Variants in AR observed in about 807,000 individuals in gnomAD.
AR encodes the protein androgen receptor.
AR carries 8 observed loss-of-function variants against 53.9 expected under a neutral mutation model. The observed-to-expected ratio is 0.15, with a 90% CI of 0.09 to 0.27. AR has a LOEUF of 0.27. AR is among the 10% of genes least tolerant of loss of function. The probability of loss-of-function intolerance (pLI) is 1.00; values close to 1 mark genes in which losing one functional copy is unlikely to be tolerated. For synonymous variants in AR, 359 were observed against 316.4 expected, an observed-to-expected ratio of 1.13 and a Z score of -1.43; for missense variants, 639 against 742.5, an observed-to-expected ratio of 0.86 and a Z score of 1.62.
chrX:67,659,448 G>A (rs1390604888), intron 2 of AR, among the ~76,000 whole-genome samples: 4 of 110,619 alleles, frequency 3.6e-5, no homozygotes, highest in Admixed American at 2.9e-4. Flanking sequence ...ATTCTCACCT[G>A]TGAGTGAGAA....
At chrX:67,629,968 T>C (rs1418048451) in intron 1 of AR, among the ~76,000 whole-genome samples, 6 of 111,816 alleles carry the variant, frequency 5.4e-5, no homozygotes, top group Non-Finnish European at 7.5e-5. Context: ...TTCTTAATAC[T>C]GAGTTCTAGT....
intron 1 of AR, among the ~76,000 whole-genome samples, chrX:67,597,423 C>T (rs948101089): frequency 2.8e-4 from 31 of 111,787 alleles, no homozygotes; most frequent in Non-Finnish European, 5.5e-4. Context: ...CTCCTTTTCA[C>T]TCTCTGGGAG....
chrX:67,629,109 G>C (rs1407667369), intron 1 of AR, among the ~76,000 whole-genome samples: 1 of 111,063 alleles, frequency 9.0e-6, no homozygotes, highest in Non-Finnish European at 1.9e-5. Flanking sequence ...TTTTTTGGTT[G>C]TGTCTCTGCC....
rs986987227 is a variant in AR at position 67,589,573 on chromosome X, G to T, written c.1616+42811G>T. On this transcript the variant is annotated intron_variant, in intron 1 of 7. Transcript: ENST00000374690. ...CTTCCATGAGGATCCCATGGAGAAA[G>T]TTTGTCATTGATATACATTTTGAGG... Among the ~76,000 whole-genome samples the T allele has an allele frequency of 4.5e-5, 5 of 111,955 alleles. No homozygotes were observed. The South Asian group carries it at 1.9e-3, about 42-fold the overall frequency.
Position 67,720,236 on chromosome X carries a change from C to G in AR, c.2319-1597C>G, listed in dbSNP as rs768105446. On this transcript the variant is annotated intron_variant, in intron 5 of 7. Coordinates refer to ENST00000374690, the MANE Select transcript of AR (RefSeq NM_000044.6). ...TTCCATTCCTGCCTCATTTTTCTAC[C>G]CTCCATTCTCCTCTCTCTTCCTTCC... 1.6e-4 allele frequency among the ~76,000 whole-genome samples: 18 copies of G among 110,227 alleles called. No homozygotes were observed. In the Admixed American group the frequency reaches 1.6e-3, roughly 10 times the overall value.
At chrX:67,626,956 G>T (rs1174716558) in intron 1 of AR, among the ~76,000 whole-genome samples, 1 of 104,998 alleles carries the variant, frequency 9.5e-6, no homozygotes, top group African/African-American at 3.5e-5. Context: ...CAAAGGACAT[G>T]AACTCATCCT....
chrX:67,646,074 CA>C (rs1926043512), intron 2 of AR, among the ~76,000 whole-genome samples: 1 of 112,005 alleles, frequency 8.9e-6, no homozygotes, highest in Non-Finnish European at 1.9e-5. Flanking sequence ...ACTGAGTATT[CA>C]GAGTCTTGAT....
chrX:67,695,862 C>T (rs1602262165), intron 3 of AR: 5 of 750,361 alleles, frequency 6.7e-6, no homozygotes, highest in African/African-American at 2.4e-5. Flanking sequence ...TCTCTTTCCC[C>T]TGACTCAGCA....
chrX:67,549,926 A>C (rs1313917604), intron 1 of AR, among the ~76,000 whole-genome samples: 1 of 112,147 alleles, frequency 8.9e-6, no homozygotes, highest in Non-Finnish European at 1.9e-5. Context: ...TTTTATGACT[A>C]TCTTACAAGC....
At chrX:67,638,796 C>T (rs1925589471) in intron 1 of AR, among the ~76,000 whole-genome samples, 1 of 111,812 alleles carries the variant, frequency 8.9e-6, no homozygotes, top group African/African-American at 3.2e-5. Flanking sequence ...CTCTGATGAT[C>T]GTTTCTTTTG....
At chrX:67,644,535 G>A (rs774229293) in intron 2 of AR, among the ~76,000 whole-genome samples, 1 of 111,763 alleles carries the variant, frequency 8.9e-6, no homozygotes, top group Non-Finnish European at 1.9e-5. Context: ...CATTCACCAC[G>A]AATGTACTGA....
rs778153904 is a variant in AR, at chrX:67,721,980, G to T, written c.2449+17G>T. On this transcript the variant is annotated intron_variant, in intron 6 of 7. Transcript: ENST00000374690. ...TCAGCATTAGTAAGTGCCTAGAAGTGCAGGGAATGCCCCCTGAGGGCACAG... is the reference window on the plus strand; with the variant it reads ...TCAGCATTAGTAAGTGCCTAGAAGTTCAGGGAATGCCCCCTGAGGGCACAG... 2 of 1,208,130 alleles carry T rather than the reference G, an allele frequency of 1.7e-6. No homozygotes were observed. The highest frequency in any genetic ancestry group is 2.2e-5 in the Admixed American group (1 of 45,731).
chrX:67,642,412 A>G (rs1449124874), intron 1 of AR, among the ~76,000 whole-genome samples: 1 of 111,710 alleles, frequency 9.0e-6, no homozygotes, highest in Non-Finnish European at 1.9e-5. Context: ...CTTCATATCC[A>G]CCTGAAAGAG....
chrX:67,575,557 T>A (rs1176711207), intron 1 of AR, among the ~76,000 whole-genome samples: 1 of 111,622 alleles, frequency 9.0e-6, no homozygotes, highest in East Asian at 2.8e-4. Context: ...AGAAATGAAA[T>A]GCTTGTGTCC....
chrX:67,661,383 G>A (rs751628381), intron 2 of AR, among the ~76,000 whole-genome samples: 5 of 111,122 alleles, frequency 4.5e-5, no homozygotes, highest in Admixed American at 2.9e-4. Flanking sequence ...TTTGAGATAC[G>A]TCCCATCAAT....
chrX:67,706,018 C>T (rs2076065284), intron 3 of AR, among the ~76,000 whole-genome samples: 1 of 111,642 alleles, frequency 9.0e-6, no homozygotes, highest in Admixed American at 9.6e-5. Flanking sequence ...GGTGGATAAG[C>T]TTTTTGATGT....
At chrX:67,698,129 T>C (rs1447300080) in intron 3 of AR, among the ~76,000 whole-genome samples, 1 of 112,123 alleles carries the variant, frequency 8.9e-6, no homozygotes, top group Non-Finnish European at 1.9e-5. Context: ...CTCCAGAATA[T>C]TTGCTCTTAA....
In AR at chrX:67,711,611, G is replaced by C; in HGVS notation, c.2095G>C (p.Ala699Pro). 1 of 1,211,000 alleles carries C rather than the reference G, an allele frequency of 8.3e-7. No individual in the cohort carries two copies. Among genetic ancestry groups the C allele is most frequent in the Non-Finnish European group, 1.1e-6 (1 of 894,970 alleles). Residue 699 changes from alanine to proline, a missense_variant, in exon 4 of 8, where the codon GCA becomes CCA. This residue lies in a region of AR where 95 missense variants were observed against 196.4 expected (regional missense o/e 0.48). Transcript: ENST00000374690. ...GHDNNQPDSF[A>P]ALLSSLNELG... ...CGACAACAACCAGCCCGACTCCTTT[G>C]CAGCCTTGCTCTCTAGCCTCAATGA... is the stretch of plus-strand genomic sequence containing the variant.
intron 1 of AR, among the ~76,000 whole-genome samples, chrX:67,581,587 A>G (rs961367106): frequency 9.0e-6 from 1 of 111,336 alleles, no homozygotes; most frequent in African/African-American, 3.3e-5. Flanking sequence ...GTATATTAGT[A>G]ATGTACACTA....
Sources: allele counts gnomAD v4.1 joint callset (sites outside exome capture counted in the v4.1 genomes callset), GRCh38; gene constraint gnomAD v4.1.1; regional missense constraint gnomAD v4.1.1; transcripts MANE v1.5; gene names NCBI Gene and HGNC (gene_info 2026-07-23, HGNC 2026-07-21).